Variants in CADM2 observed in about 807,000 individuals in gnomAD.
The protein encoded by CADM2 is cell adhesion molecule 2, also known as immunoglobulin superfamily member 4D.
Under a neutral mutation model 49.8 loss-of-function variants are expected in CADM2, and 12 were observed. The observed-to-expected ratio is 0.24, with a 90% CI of 0.15 to 0.39. CADM2 has a LOEUF of 0.39. Among genes scored for constraint, CADM2 ranks in the 10% least tolerant of loss-of-function variants. CADM2 has a pLI of 1.00. For synonymous variants in CADM2, 214 were observed against 175.4 expected (o/e 1.22, Z -1.74); for missense variants, 378 against 492.3 (o/e 0.77, Z 2.20).
chr3:85,859,000 G>A (rs530001356), intron 3 of CADM2, among the ~76,000 whole-genome samples: 1 of 152,184 alleles, frequency 6.6e-6, no homozygotes, highest in Non-Finnish European at 1.5e-5. Context: ...AACAAGAGAA[G>A]ATATTTGAAG....
At chr3:85,844,503 A>G (rs2074791560) in intron 3 of CADM2, among the ~76,000 whole-genome samples, 1 of 152,164 alleles carries the variant, frequency 6.6e-6, no homozygotes, top group African/African-American at 2.4e-5. Flanking sequence ...AATGAAAAGG[A>G]GAGTAATGCA....
chr3:85,668,525 C>T lies in CADM2; in HGVS notation c.62-57997C>T, dbSNP rs1208102020. On this transcript the variant is annotated intron_variant, in intron 1 of 9. Coordinates refer to ENST00000383699, the MANE Select transcript of CADM2 (RefSeq NM_001167675.2). ...GGAACCCAGTGGGAGATAATTGAAT[C>T]ATGGTGGTGTGTCTTTTCCATGCTG... 9.9e-5 allele frequency among the ~76,000 whole-genome samples: 15 copies of T among 152,060 alleles called. No homozygotes were observed. The East Asian group carries it at 2.7e-3, about 28-fold the overall frequency.
intron 1 of CADM2, among the ~76,000 whole-genome samples, chr3:85,427,943 A>G (rs1210986126): frequency 6.6e-6 from 1 of 152,070 alleles, no homozygotes; most frequent in Non-Finnish European, 1.5e-5. Flanking sequence ...GACTTGTGAT[A>G]TCTCATTCAA....
chr3:85,162,239 G>T (rs1246081109), intron 1 of CADM2, among the ~76,000 whole-genome samples: 1 of 152,004 alleles, frequency 6.6e-6, no homozygotes, highest in African/African-American at 2.4e-5. Flanking sequence ...TTATAAAGAA[G>T]AGACAAGTAA....
Position 85,108,255 on chromosome 3 carries a change from A to G in CADM2, c.61+148587A>G, listed in dbSNP as rs6783000. 2.6e-3 allele frequency among the ~76,000 whole-genome samples: 394 copies of G among 151,930 alleles called. 1 individual carries two copies. Among genetic ancestry groups the G allele is most frequent in the African/African-American group, 9.1e-3 (378 of 41,464 alleles). On this transcript the variant is annotated intron_variant, in intron 1 of 9. Coordinates refer to ENST00000383699, the MANE Select transcript of CADM2 (RefSeq NM_001167675.2). ...CAGGCACACAAATAGGTATTTGTAC[A>G]GTCATGTTTCTAGCAGCATTATTTA...
At chr3:85,379,134 T>C (rs1442619222) in intron 1 of CADM2, among the ~76,000 whole-genome samples, 2 of 151,892 alleles carry the variant, frequency 1.3e-5, no homozygotes, top group African/African-American at 4.8e-5. Flanking sequence ...ATGAGGTGGA[T>C]TGAATATCCA....
intron 2 of CADM2, among the ~76,000 whole-genome samples, chr3:85,779,987 T>C (rs767299235): frequency 5.3e-5 from 8 of 152,054 alleles, no homozygotes; most frequent in South Asian, 2.1e-4. Flanking sequence ...AGTGGTCCAA[T>C]TGGAGTTGAT....
At chr3:85,044,845 C>G (rs558910206) in intron 1 of CADM2, among the ~76,000 whole-genome samples, 2 of 145,900 alleles carry the variant, frequency 1.4e-5, no homozygotes, top group Non-Finnish European at 3.0e-5. Context: ...AGAGAGCCAG[C>G]TAGTGAATGG....
intron 3 of CADM2, among the ~76,000 whole-genome samples, chr3:85,877,516 G>T (rs1394300579): frequency 6.6e-6 from 1 of 151,924 alleles, no homozygotes; most frequent in African/African-American, 2.4e-5. Context: ...ACGGCCTTTT[G>T]TGTTTTGGGA....
intron 1 of CADM2, among the ~76,000 whole-genome samples, chr3:85,716,515 C>A (rs2107752696): frequency 6.6e-6 from 1 of 152,286 alleles, no homozygotes; most frequent in Non-Finnish European, 1.5e-5. Context: ...TTACTTAGAT[C>A]CCATTTGTCA....
At chr3:85,617,197 C>T (rs1031758971) in intron 1 of CADM2, among the ~76,000 whole-genome samples, 2 of 152,042 alleles carry the variant, frequency 1.3e-5, no homozygotes, top group Admixed American at 6.6e-5. Flanking sequence ...CCACCCCTTC[C>T]GACAGCACTC....
At chr3:85,394,121 G>T (rs2034656314) in intron 1 of CADM2, among the ~76,000 whole-genome samples, 1 of 152,072 alleles carries the variant, frequency 6.6e-6, no homozygotes, top group Non-Finnish European at 1.5e-5. Flanking sequence ...AAGATGCATA[G>T]CCGAAAACTG....
chr3:85,052,732 T>G (rs977076238), intron 1 of CADM2, among the ~76,000 whole-genome samples: 2 of 152,108 alleles, frequency 1.3e-5, no homozygotes, highest in Non-Finnish European at 2.9e-5. Context: ...TAACTTGTAA[T>G]TTTAAAACCA....
chr3:85,877,906 C>T (rs1712159943), intron 3 of CADM2, among the ~76,000 whole-genome samples: 1 of 151,964 alleles, frequency 6.6e-6, no homozygotes, highest in Non-Finnish European at 1.5e-5. Context: ...AAGGTTCCTG[C>T]TCACAGGAAA....
chr3:86,037,112 A>C (rs1735263993), intron 8 of CADM2, among the ~76,000 whole-genome samples: 1 of 152,178 alleles, frequency 6.6e-6, no homozygotes, highest in African/African-American at 2.4e-5. Context: ...TTTTAAGTTG[A>C]GTATACAGTT....
intron 1 of CADM2, among the ~76,000 whole-genome samples, chr3:85,646,668 T>C (rs1357133071): frequency 4.0e-5 from 6 of 151,878 alleles, no homozygotes; most frequent in Admixed American, 3.3e-4. Flanking sequence ...CGATGACATA[T>C]TGTAGAGGGA....
intron 8 of CADM2, among the ~76,000 whole-genome samples, chr3:85,989,966 C>T (rs572629962): frequency 4.3e-5 from 5 of 115,110 alleles, no homozygotes; most frequent in South Asian, 2.7e-4. Flanking sequence ...GAGCTGAGAT[C>T]GCACCACTGC....
Position 86,013,012 on chromosome 3 carries a change from A to T in CADM2, c.970+51365A>T, listed in dbSNP as rs1489859879. ...AAACCTGATCAGCTAAATAAACATT[A>T]TCGATTATGTGCCAAACATGAGACC... is the stretch of plus-strand genomic sequence containing the variant. On this transcript the variant is annotated intron_variant, in intron 8 of 9. Transcript: ENST00000383699. The T allele has an allele frequency of 3.1e-6, 3 of 967,414 alleles. No homozygotes were observed. The East Asian group carries it at 7.2e-5, about 23-fold the overall frequency. 59.9% of individuals were successfully genotyped at this position (967,414 alleles called of 1,614,324 possible). A position where few individuals can be genotyped will look rare whatever the true frequency, so the allele number is the denominator to read the frequency against.
At chr3:85,257,424 C>G (rs1344624690) in intron 1 of CADM2, among the ~76,000 whole-genome samples, 2 of 152,052 alleles carry the variant, frequency 1.3e-5, no homozygotes, top group Admixed American at 1.3e-4. Context: ...TAATACAGCA[C>G]AAGTATACCA....
Sources: allele counts gnomAD v4.1 joint callset (sites outside exome capture counted in the v4.1 genomes callset), GRCh38; gene constraint gnomAD v4.1.1; transcripts MANE v1.5; gene names NCBI Gene and HGNC (gene_info 2026-07-23, HGNC 2026-07-21).